BTBD9: variants seen among roughly 807,000 people sequenced by gnomAD.
BTBD9 encodes BTB/POZ domain-containing protein 9.
Under a neutral mutation model 64.3 loss-of-function variants are expected in BTBD9, and 49 were observed. That is an observed-to-expected ratio of 0.76 (90% CI 0.61 to 0.97). The LOEUF is 0.97. Among genes scored for constraint, BTBD9 ranks in the 50% least tolerant of loss-of-function variants. The pLI is 0.00. For missense variants in BTBD9, 598 were observed against 762.1 expected (o/e 0.78, Z 2.53); for synonymous variants, 260 against 274.7 (o/e 0.95, Z 0.53).
chr6:38,357,223 C>T (rs1764760664), intron 6 of BTBD9, among the ~76,000 whole-genome samples: 1 of 152,074 alleles, frequency 6.6e-6, no homozygotes, highest in Admixed American at 6.5e-5. Flanking sequence ...CCCTTCCCTA[C>T]CCACTTCATT....
chr6:38,493,324 T>A (rs1771786871), intron 6 of BTBD9, among the ~76,000 whole-genome samples: 1 of 152,242 alleles, frequency 6.6e-6, no homozygotes, highest in African/African-American at 2.4e-5. Flanking sequence ...AAGACCAGAC[T>A]AAGACTTTGT....
chr6:38,370,481 A>T (rs772317181), intron 6 of BTBD9, among the ~76,000 whole-genome samples: 41 of 152,356 alleles, frequency 2.7e-4, no homozygotes, highest in Non-Finnish European at 7.3e-5. Flanking sequence ...TATTTTAAAG[A>T]ATCAATAGAA....
intron 4 of BTBD9, among the ~76,000 whole-genome samples, chr6:38,582,058 GA>G (rs34838099): frequency 6.6e-6 from 1 of 152,080 alleles, no homozygotes; most frequent in African/African-American, 2.4e-5. Context: ...CAGATTTCTG[GA>G]AAAATTTTTT....
chr6:38,561,064 G>T (rs1228955647), intron 6 of BTBD9, among the ~76,000 whole-genome samples: 1 of 151,990 alleles, frequency 6.6e-6, no homozygotes, highest in African/African-American at 2.4e-5. Flanking sequence ...TGTCTTTGTG[G>T]TAAAACAATT....
intron 6 of BTBD9, among the ~76,000 whole-genome samples, chr6:38,521,735 C>A (rs1020780440): frequency 6.6e-6 from 1 of 152,064 alleles, no homozygotes; most frequent in African/African-American, 2.4e-5. Flanking sequence ...AGTGCAATGG[C>A]ACGATCTTGG....
chr6:38,597,931 G>A lies in BTBD9; in HGVS notation c.164C>T (p.Ala55Val). 1 of 1,613,810 alleles carries A rather than the reference G, an allele frequency of 6.2e-7. No individual in the cohort carries two copies. Reference sequence around the variant, plus strand: ...TTACCGAAAATATTGGCACCTGGCTGCTAAAATTACCCTGTGGGCAGGAAA... The same window carrying A: ...TTACCGAAAATATTGGCACCTGGCTACTAAAATTACCCTGTGGGCAGGAAA... ...KRFPAHRVIL[A>V]ARCQYFRALL... Residue 55 changes from alanine (A) to valine (V), a missense_variant, in exon 2 of 11, where the codon GCA (alanine) becomes GTA (valine). Transcript: ENST00000481247.
In BTBD9 at chr6:38,577,671, G is replaced by T; in HGVS notation, c.1083C>A (p.Val361=). Residue 361 remains valine, a synonymous_variant, in exon 6 of 11, where the codon GTC becomes GTA. Transcript: ENST00000481247. The part of the protein sequence containing the change: ...IEVSMDELDW[V]RVIDHSQYLC... ...GATATTGTGAATGATCTATCACTCT[G>T]ACCCAATCAAGTTCATCCATTGACA... 6.2e-7 allele frequency: 1 copy of T among 1,610,202 alleles called. No individual in the cohort carries two copies. Among genetic ancestry groups the T allele is most frequent in the South Asian group, 1.1e-5 (1 of 90,986 alleles).
At chr6:38,398,254 T>C (rs1174793190) in intron 6 of BTBD9, among the ~76,000 whole-genome samples, 1 of 152,208 alleles carries the variant, frequency 6.6e-6, no homozygotes, top group Non-Finnish European at 1.5e-5. Flanking sequence ...CTCTAGGCCT[T>C]TAAACCTAAA....
At chr6:38,630,537 A>T (rs1450949958) in intron 1 of BTBD9, among the ~76,000 whole-genome samples, 2 of 152,226 alleles carry the variant, frequency 1.3e-5, no homozygotes, top group African/African-American at 4.8e-5. Context: ...GGATAAAACA[A>T]ATGTGGTAAA....
intron 6 of BTBD9, among the ~76,000 whole-genome samples, chr6:38,398,030 G>A (rs1196518978): frequency 6.6e-6 from 1 of 152,214 alleles, no homozygotes; most frequent in Non-Finnish European, 1.5e-5. Context: ...GATCATGAAA[G>A]GCTCTGCATT....
intron 6 of BTBD9, among the ~76,000 whole-genome samples, chr6:38,576,478 G>A (rs969668217): frequency 2.0e-5 from 3 of 152,186 alleles, no homozygotes; most frequent in African/African-American, 7.2e-5. Context: ...GTTCTTTACT[G>A]TACCAGAGGC....
chr6:38,507,172 C>T lies in BTBD9; in HGVS notation c.1154+70428G>A, dbSNP rs565983641. On this transcript the variant is annotated intron_variant, in intron 6 of 10. Coordinates refer to ENST00000481247, the MANE Select transcript of BTBD9 (RefSeq NM_001099272.2). ...GTAGGGCCTCACTGTTATTCCTGAC[C>T]ACAGCTTGCTGCTTACTTCCTTCAG... Among the ~76,000 whole-genome samples the T allele has an allele frequency of 2.0e-5, 3 of 152,330 alleles. No homozygotes were observed. In the East Asian group the frequency reaches 5.8e-4, roughly 29 times the overall value.
chr6:38,179,153 C>T (rs1018649282), intron 10 of BTBD9, among the ~76,000 whole-genome samples: 2 of 152,052 alleles, frequency 1.3e-5, no homozygotes, highest in African/African-American at 2.4e-5. Flanking sequence ...GCCCAGCCTA[C>T]GAGACTCTTT....
At chr6:38,211,774 C>T (rs907795039) in intron 9 of BTBD9, among the ~76,000 whole-genome samples, 1 of 152,098 alleles carries the variant, frequency 6.6e-6, no homozygotes, top group East Asian at 1.9e-4. Context: ...TCAACCTTGT[C>T]TGATGTTGAA....
intron 8 of BTBD9, among the ~76,000 whole-genome samples, chr6:38,257,982 T>A (rs746734664): frequency 1.1e-4 from 17 of 151,118 alleles, no homozygotes; most frequent in African/African-American, 2.5e-4. Flanking sequence ...AAAAAAAAAA[T>A]ATATATGTAT....
chr6:38,511,973 A>G (rs139897954), intron 6 of BTBD9, among the ~76,000 whole-genome samples: 215 of 151,760 alleles, frequency 1.4e-3, no homozygotes, highest in African/African-American at 4.8e-3. Context: ...ACCTACCACT[A>G]TTTTTCCCCC....
chr6:38,221,033 T>C (rs1335353773), intron 9 of BTBD9, among the ~76,000 whole-genome samples: 2 of 152,234 alleles, frequency 1.3e-5, no homozygotes, highest in African/African-American at 2.4e-5. Flanking sequence ...CAGATCTTGA[T>C]GATTTAACCT....
At chr6:38,487,281 C>G (rs1329125478) in intron 6 of BTBD9, among the ~76,000 whole-genome samples, 1 of 151,984 alleles carries the variant, frequency 6.6e-6, no homozygotes, top group African/African-American at 2.4e-5. Context: ...ATCTGAAGAC[C>G]TACCTTAGGA....
chr6:38,491,197 T>C (rs759459984), intron 6 of BTBD9, among the ~76,000 whole-genome samples: 2 of 152,224 alleles, frequency 1.3e-5, no homozygotes, highest in Non-Finnish European at 2.9e-5. Context: ...GGCAGGTTTG[T>C]AGTACAGATG....
Sources: gnomAD v4.1 joint callset for allele counts (sites outside exome capture counted in the v4.1 genomes callset) on GRCh38, gnomAD v4.1.1 for gene constraint, MANE v1.5 for transcripts, NCBI Gene and HGNC (gene_info 2026-07-23, HGNC 2026-07-21) for gene names.